RBPJ: variants seen among roughly 807,000 people sequenced by gnomAD.
The protein encoded by RBPJ is recombining binding protein suppressor of hairless.
A neutral mutation model predicts 67.8 loss-of-function variants in RBPJ; 9 were observed. The observed-to-expected ratio is 0.13, with a 90% CI of 0.08 to 0.23. The LOEUF is 0.23. Among genes scored for constraint, RBPJ ranks in the 10% least tolerant of loss-of-function variants. The pLI is 1.00. For synonymous variants in RBPJ, 198 were observed against 203.3 expected (o/e 0.97, Z 0.22); for missense variants, 305 against 595.6 (o/e 0.51, Z 5.08).
At chr4:26,222,311 T>C (rs1718935987) in intron 1 of RBPJ, among the ~76,000 whole-genome samples, 1 of 151,936 alleles carries the variant, frequency 6.6e-6, no homozygotes, top group Non-Finnish European at 1.5e-5. Context: ...CTGGCCAACA[T>C]GGTGAAAATC....
chr4:26,353,578 A>G (rs1463348745), intron 1 of RBPJ, among the ~76,000 whole-genome samples: 1 of 148,930 alleles, frequency 6.7e-6, no homozygotes, highest in Non-Finnish European at 1.5e-5. Flanking sequence ...AATAAATCTT[A>G]TTTGCAATTG....
upstream of RBPJ, among the ~76,000 whole-genome samples, chr4:26,316,375 TCATATATATA>T (rs1722615523): frequency 6.9e-6 from 1 of 145,780 alleles, no homozygotes; most frequent in Non-Finnish European, 1.5e-5. Flanking sequence ...ATATATACAT[TCATATATATA>T]CATTCATATA....
chr4:26,372,910 T>C (rs1397035635), intron 1 of RBPJ, among the ~76,000 whole-genome samples: 3 of 152,314 alleles, frequency 2.0e-5, no homozygotes, highest in Middle Eastern at 3.4e-3. Context: ...GAGCAGATAC[T>C]AGCTGGTGGG....
chr4:26,257,528 C>T (rs537428180), intron 1 of RBPJ, among the ~76,000 whole-genome samples: 89 of 152,280 alleles, frequency 5.8e-4, no homozygotes, highest in African/African-American at 2.1e-3. Context: ...ATTCGGGAGG[C>T]TGAGGCAGGA....
At chr4:26,308,353 C>G (rs1198544745) in intron 1 of RBPJ, among the ~76,000 whole-genome samples, 1 of 151,938 alleles carries the variant, frequency 6.6e-6, no homozygotes, top group East Asian at 1.9e-4. Flanking sequence ...ACTTTTCAGA[C>G]AGACCTATTG....
At position 26,362,585 on chromosome 4, in the gene RBPJ, C is replaced by T. The variant is rs201365032; in HGVS notation, c.21-23768C>T. On this transcript the variant is annotated intron_variant, in intron 1 of 10. Coordinates refer to ENST00000355476, the MANE Select transcript of RBPJ (RefSeq NM_015874.6). ...TGCATCGAAGTGTTCCAAGCTGTGA[C>T]TTACCTTAACATGTTCTTGAAGTAC... is the stretch of plus-strand genomic sequence containing the variant. 40 of 1,613,682 alleles carry T rather than the reference C, an allele frequency of 2.5e-5. No homozygotes were observed. The East Asian group carries it at 8.2e-4, about 33-fold the overall frequency.
chr4:26,134,941 A>G, the RBPJ span, among the ~76,000 whole-genome samples: 1 of 152,296 alleles, frequency 6.6e-6, no homozygotes, highest in Middle Eastern at 3.4e-3. Context: ...CCTGAGACAC[A>G]GCAACTCCAG....
chr4:26,363,681 T>C (rs1320409359), intron 1 of RBPJ, among the ~76,000 whole-genome samples: 1 of 152,186 alleles, frequency 6.6e-6, no homozygotes, highest in South Asian at 2.1e-4. Flanking sequence ...TCAGGTGATC[T>C]GCCTGCCTCA....
At chr4:26,189,560 AG>A (rs1349733522) in intron 1 of RBPJ, among the ~76,000 whole-genome samples, 9 of 152,150 alleles carry the variant, frequency 5.9e-5, no homozygotes, top group African/African-American at 2.2e-4. Context: ...TGAGAGGCTG[AG>A]GCAGGAGAAT....
chr4:26,352,303 A>G (rs1219783445), intron 1 of RBPJ, among the ~76,000 whole-genome samples: 2 of 152,164 alleles, frequency 1.3e-5, no homozygotes, highest in African/African-American at 4.8e-5. Flanking sequence ...AGCTGTATCT[A>G]CACATGGTGG....
At chr4:26,191,242 TAGAG>T (rs1225496849) in intron 1 of RBPJ, among the ~76,000 whole-genome samples, 29 of 59,068 alleles carry the variant, frequency 4.9e-4, no homozygotes, top group African/African-American at 9.9e-4. Flanking sequence ...GAGAGAGAGA[TAGAG>T]AGAGAGAGAG....
At chr4:26,152,551 T>C in the RBPJ span, among the ~76,000 whole-genome samples, 1 of 152,262 alleles carries the variant, frequency 6.6e-6, no homozygotes, top group African/African-American at 2.4e-5. Flanking sequence ...TAAACCATGC[T>C]AAGTACTTTC....
intron 1 of RBPJ, among the ~76,000 whole-genome samples, chr4:26,354,979 T>C (rs556986411): frequency 6.6e-6 from 1 of 152,330 alleles, no homozygotes; most frequent in South Asian, 2.1e-4. Flanking sequence ...CTCAAAGCTC[T>C]CATTTAATGA....
chr4:26,191,830 T>C (rs1035426022), intron 1 of RBPJ, among the ~76,000 whole-genome samples: 1 of 152,144 alleles, frequency 6.6e-6, no homozygotes, highest in African/African-American at 2.4e-5. Context: ...CTAGGCACAG[T>C]GAACCACGCT....
the RBPJ span, among the ~76,000 whole-genome samples, chr4:26,120,821 G>A: frequency 6.9e-6 from 1 of 144,522 alleles, no homozygotes; most frequent in Non-Finnish European, 1.5e-5. Flanking sequence ...CAAGAGTACT[G>A]TAGTTTAGAA....
At chr4:26,289,448 G>T (rs1225170528) in intron 1 of RBPJ, among the ~76,000 whole-genome samples, 1 of 146,906 alleles carries the variant, frequency 6.8e-6, no homozygotes, top group Admixed American at 6.8e-5. Flanking sequence ...CACCAGAAAT[G>T]ATCATATTAC....
chr4:26,363,595 C>T (rs1465854051), intron 1 of RBPJ, among the ~76,000 whole-genome samples: 12 of 152,108 alleles, frequency 7.9e-5, no homozygotes, highest in East Asian at 3.9e-4. Flanking sequence ...CCCGCCACCA[C>T]GCCCTGCTCA....
Position 26,199,953 on chromosome 4 carries a change from T to C in RBPJ, c.-167+36339T>C, listed in dbSNP as rs531014329. On this transcript the variant is annotated intron_variant, in intron 1 of 4. Coordinates refer to the RBPJ transcript ENST00000512351. ...GCTCGTTTCTTCTGTAAATGCTTCT[T>C]GGGGAGCTGTGCCATGTGATTCAAT... Among the ~76,000 whole-genome samples, 267 of 152,294 alleles carry C rather than the reference T, an allele frequency of 1.8e-3. 2 individuals are homozygous for C. The highest frequency in any genetic ancestry group is 3.4e-3 in the Middle Eastern group (1 of 294).
At chr4:26,186,325 A>G (rs866527718) in intron 1 of RBPJ, among the ~76,000 whole-genome samples, 1 of 151,974 alleles carries the variant, frequency 6.6e-6, no homozygotes, top group African/African-American at 2.4e-5. Context: ...TTGGGATAAC[A>G]TTGTTACTTA....
Sources: allele counts gnomAD v4.1 joint callset (sites outside exome capture counted in the v4.1 genomes callset), GRCh38; gene constraint gnomAD v4.1.1; transcripts MANE v1.5; gene names NCBI Gene and HGNC (gene_info 2026-07-23, HGNC 2026-07-21).